The following CCDC33 variants were observed in gnomAD, a reference collection of about 807,000 sequenced individuals.
CCDC33 encodes coiled-coil domain containing 33.
CCDC33 carries 94 observed loss-of-function variants against 91.9 expected under a neutral mutation model. The ratio of observed to expected loss-of-function variants is 1.02; its 90% CI spans 0.87 to 1.21. The LOEUF (loss-of-function observed/expected upper bound fraction) is 1.21, where lower values mean the gene tolerates loss of function less well. CCDC33 is among the 50% of genes most tolerant of loss of function. The pLI is 0.00. For synonymous variants in CCDC33, 396 were observed against 374.5 expected (o/e 1.06, Z -0.66); for missense variants, 940 against 935.5 (o/e 1.00, Z -0.06).
chr15:74,238,197 C>A (rs1467160758), intron 1 of CCDC33, among the ~76,000 whole-genome samples: 2 of 152,040 alleles, frequency 1.3e-5, no homozygotes, highest in Middle Eastern at 3.2e-3. Flanking sequence ...GAGGCCAAGG[C>A]AGAAGTTCGA....
At chr15:74,304,879 G>A (rs777386193) in intron 11 of CCDC33, among the ~76,000 whole-genome samples, 17 of 151,866 alleles carry the variant, frequency 1.1e-4, no homozygotes, top group Non-Finnish European at 2.4e-4. Flanking sequence ...CAAGCTCCAC[G>A]CTTCTAGAAC....
chr15:74,259,316 A>T (rs2075959746), intron 2 of CCDC33, among the ~76,000 whole-genome samples: 1 of 151,788 alleles, frequency 6.6e-6, no homozygotes. Context: ...GAGCCTGGGG[A>T]CCTGGAACTC....
chr15:74,255,049 C>G (rs1345952810), intron 2 of CCDC33, among the ~76,000 whole-genome samples: 1 of 151,992 alleles, frequency 6.6e-6, no homozygotes, highest in Non-Finnish European at 1.5e-5. Flanking sequence ...CGCCTGGCCT[C>G]TATACTTTTT....
intron 2 of CCDC33, among the ~76,000 whole-genome samples, chr15:74,220,774 G>A (rs150066219): frequency 6.6e-6 from 1 of 152,150 alleles, no homozygotes. Flanking sequence ...GGGGGAGAGT[G>A]GGGGGAGAGT....
intron 2 of CCDC33, among the ~76,000 whole-genome samples, chr15:74,250,201 C>T (rs2075661447): frequency 6.6e-6 from 1 of 152,192 alleles, no homozygotes; most frequent in Non-Finnish European, 1.5e-5. Context: ...CTTGGTTCCT[C>T]TACTCTTGCT....
At position 74,279,983 on chromosome 15, in the gene CCDC33, C is replaced by G; in HGVS notation, c.780C>G (p.Pro260=). 1.2e-6 allele frequency: 2 copies of G among 1,614,106 alleles called. No homozygotes were observed. The highest frequency in any genetic ancestry group is 1.7e-6 in the Non-Finnish European group (2 of 1,179,974). ...TCCAGCTGTCCAAGCCTGGGGGACC[C>G]CCAGAGCAGCCCCTGTGGAATCAGT... ...GCPQLSKPGG[P]PEQPLWNQSF... is the part of the protein sequence containing the mutation. Residue 260 remains proline (P), a synonymous_variant, in exon 8 of 19, where the codon CCC becomes CCG. Transcript: ENST00000398814.
chr15:74,325,587 T>A (rs556072530), intron 11 of CCDC33, among the ~76,000 whole-genome samples: 1 of 152,226 alleles, frequency 6.6e-6, no homozygotes, highest in South Asian at 2.1e-4. Flanking sequence ...ATGGCCCCAG[T>A]GTGGACATGG....
intron 7 of CCDC33, among the ~76,000 whole-genome samples, chr15:74,276,692 C>A (rs528604726): frequency 1.2e-4 from 18 of 152,330 alleles, no homozygotes; most frequent in African/African-American, 4.1e-4. Flanking sequence ...AGCCTCCTGG[C>A]TTATGGCTCC....
intron 15 of CCDC33, 120 bp downstream of exon 15, chr15:74,331,416 T>A (rs2060436661): frequency 1.0e-6 from 1 of 993,080 alleles, no homozygotes; most frequent in Admixed American, 2.4e-5. Flanking sequence ...CACTCAGTTA[T>A]GTCTGTGGGC....
chr15:74,333,175 A>G (rs367657012), intron 16 of CCDC33: 4 of 1,457,274 alleles, frequency 2.7e-6, no homozygotes, highest in Non-Finnish European at 9.4e-7. Context: ...CTTCTGGAGC[A>G]TTCCCTGGTC....
At chr15:74,289,655 C>T (rs2059548481) in intron 10 of CCDC33, among the ~76,000 whole-genome samples, 1 of 152,122 alleles carries the variant, frequency 6.6e-6, no homozygotes, top group South Asian at 2.1e-4. Flanking sequence ...GTTGAGGCTG[C>T]AATGAGCTGA....
chr15:74,272,655 C>A (rs1057105685), intron 6 of CCDC33, 116 bp from the exon 7 acceptor site: 2 of 1,394,456 alleles, frequency 1.4e-6, no homozygotes, highest in Non-Finnish European at 1.9e-6. Flanking sequence ...CCGAACTCGG[C>A]GGGATCCCTG....
chr15:74,229,952 G>A (rs1194399682), intron 2 of CCDC33, among the ~76,000 whole-genome samples: 4 of 152,236 alleles, frequency 2.6e-5, no homozygotes, highest in African/African-American at 7.2e-5. Context: ...GTCGGGTGGG[G>A]GAAGGTTGCA....
chr15:74,228,409 T>C (rs963682391), intron 2 of CCDC33, among the ~76,000 whole-genome samples: 1 of 152,232 alleles, frequency 6.6e-6, no homozygotes, highest in Non-Finnish European at 1.5e-5. Flanking sequence ...CTATAGCCAA[T>C]GCTCACAAAA....
At chr15:74,275,836 A>T (rs2076435354) in intron 7 of CCDC33, among the ~76,000 whole-genome samples, 1 of 151,992 alleles carries the variant, frequency 6.6e-6, no homozygotes, top group African/African-American at 2.4e-5. Context: ...TGCCCAGCTA[A>T]TTTTGTATAT....
Position 74,270,924 on chromosome 15 carries a change from G to A in CCDC33, c.547-779G>A, listed in dbSNP as rs145239878. Among the ~76,000 whole-genome samples, 11 of 152,328 alleles carry A rather than the reference G, an allele frequency of 7.2e-5. No individual in the cohort carries two copies. The East Asian group carries it at 2.1e-3, about 29-fold the overall frequency. ...TAGAGGAGAGGGCAGTCAGGACTGGGAGGCAGGGAAGCCTTTAGGGGGTGA... is the reference window on the plus strand; with the variant it reads ...TAGAGGAGAGGGCAGTCAGGACTGGAAGGCAGGGAAGCCTTTAGGGGGTGA... On this transcript the variant is annotated intron_variant, in intron 5 of 18. Transcript: ENST00000398814.
At chr15:74,261,258 G>A (rs1566977669) in intron 2 of CCDC33, among the ~76,000 whole-genome samples, 1 of 152,240 alleles carries the variant, frequency 6.6e-6, no homozygotes, top group Non-Finnish European at 1.5e-5. Context: ...GAGCAGGGCT[G>A]TGATGAGTGG....
At chr15:74,335,699 A>T (rs1326323539) in intron 18 of CCDC33, 1 of 477,344 alleles carries the variant, frequency 2.1e-6, no homozygotes, top group East Asian at 3.5e-5. Context: ...GGATGAGGGA[A>T]CAGGCAAGGA....
chr15:74,269,140 A>G (rs1467973843), intron 5 of CCDC33, among the ~76,000 whole-genome samples: 1 of 152,088 alleles, frequency 6.6e-6, no homozygotes, highest in Non-Finnish European at 1.5e-5. Context: ...CAAAGCAGAC[A>G]TGATGCAGGG....
Sources: gnomAD v4.1 joint callset for allele counts (sites outside exome capture counted in the v4.1 genomes callset) on GRCh38, gnomAD v4.1.1 for gene constraint, MANE v1.5 for transcripts, NCBI Gene and HGNC (gene_info 2026-07-23, HGNC 2026-07-21) for gene names.